BBS9: variants seen among roughly 807,000 people sequenced by gnomAD.
BBS9 encodes the protein protein PTHB1.
BBS9 carries 89 observed loss-of-function variants against 117.7 expected under a neutral mutation model. The observed-to-expected ratio is 0.76, with a 90% CI of 0.64 to 0.90. BBS9 has a LOEUF of 0.90. Among genes scored for constraint, BBS9 ranks in the 40% least tolerant of loss-of-function variants. BBS9 has a pLI of 0.00. For synonymous variants in BBS9, 379 were observed against 370.9 expected, an observed-to-expected ratio of 1.02 and a Z score of -0.25; for missense variants, 982 against 1,042.2, an observed-to-expected ratio of 0.94 and a Z score of 0.80.
chr7:33,511,032 A>G (rs1017969989), intron 20 of BBS9, among the ~76,000 whole-genome samples: 2 of 152,202 alleles, frequency 1.3e-5, no homozygotes, highest in African/African-American at 2.4e-5. Flanking sequence ...ATGTATGCAT[A>G]TAAGAGAGGC....
At chr7:33,524,322 T>C (rs937592150) in intron 20 of BBS9, among the ~76,000 whole-genome samples, 1 of 152,178 alleles carries the variant, frequency 6.6e-6, no homozygotes, top group Non-Finnish European at 1.5e-5. Context: ...TCAGAAGGAA[T>C]GGTACCAGTT....
intron 21 of BBS9, among the ~76,000 whole-genome samples, chr7:33,536,107 AAAG>A (rs1305491803): frequency 6.6e-6 from 1 of 152,192 alleles, no homozygotes; most frequent in Non-Finnish European, 1.5e-5. Context: ...AAAGAAATGA[AAAG>A]AAGAAAGATG....
At chr7:33,583,641 A>G (rs1408734703) in intron 21 of BBS9, among the ~76,000 whole-genome samples, 2 of 152,116 alleles carry the variant, frequency 1.3e-5, no homozygotes, top group Non-Finnish European at 2.9e-5. Flanking sequence ...CCCTTTGGGA[A>G]CATCTAGGGT....
intron 16 of BBS9, among the ~76,000 whole-genome samples, chr7:33,358,786 A>G (rs983781915): frequency 6.6e-6 from 1 of 151,978 alleles, no homozygotes; most frequent in Non-Finnish European, 1.5e-5. Flanking sequence ...TAGGAGATGC[A>G]TCTTCACCTT....
intron 21 of BBS9, among the ~76,000 whole-genome samples, chr7:33,570,098 A>T (rs1477232793): frequency 6.6e-6 from 1 of 152,230 alleles, no homozygotes; most frequent in African/African-American, 2.4e-5. Flanking sequence ...CATATCCAAA[A>T]GCAAGGAAGT....
chr7:33,221,391 G>T (rs182967774), intron 5 of BBS9, among the ~76,000 whole-genome samples: 1 of 151,986 alleles, frequency 6.6e-6, no homozygotes, highest in African/African-American at 2.4e-5. Context: ...AAAAAATTGC[G>T]TATGAGACTG....
chr7:33,458,518 T>G lies in BBS9; in HGVS notation c.2116-46945T>G, dbSNP rs186524614. 1.9e-4 allele frequency among the ~76,000 whole-genome samples: 29 copies of G among 152,292 alleles called. No homozygotes were observed. The East Asian group carries it at 4.8e-3, about 25-fold the overall frequency. ...TGCCAGTTTTTCTTTGCGGAAAATC[T>G]TTCTCTGCTTTTTGCTAAAATAAGT... is the stretch of plus-strand genomic sequence containing the variant. On this transcript the variant is annotated intron_variant, in intron 19 of 22. Transcript: ENST00000242067.
At chr7:33,518,646 T>C (rs1848172093) in intron 20 of BBS9, among the ~76,000 whole-genome samples, 1 of 152,222 alleles carries the variant, frequency 6.6e-6, no homozygotes. Flanking sequence ...TAGTATTTAG[T>C]GTGTCTTGTG....
intron 4 of BBS9, among the ~76,000 whole-genome samples, chr7:33,175,981 G>A (rs1245248509): frequency 6.6e-6 from 1 of 152,212 alleles, no homozygotes; most frequent in African/African-American, 2.4e-5. Context: ...ACCAGAAAAA[G>A]TGTGGTAAAC....
chr7:33,478,121 G>T (rs1455979004), intron 19 of BBS9, among the ~76,000 whole-genome samples: 2 of 152,014 alleles, frequency 1.3e-5, no homozygotes, highest in African/African-American at 4.8e-5. Flanking sequence ...AATGGTTGTG[G>T]GCCATTAAAT....
intron 5 of BBS9, among the ~76,000 whole-genome samples, chr7:33,180,590 C>T (rs763556146): frequency 1.3e-4 from 20 of 152,120 alleles, no homozygotes; most frequent in Admixed American, 1.1e-3. Context: ...CTCCTGACCT[C>T]GTGACCCGCC....
At chr7:33,272,937 A>G (rs1800072865) in intron 7 of BBS9, 75 bp from the exon 8 acceptor site, 1 of 1,411,942 alleles carries the variant, frequency 7.1e-7, no homozygotes, top group Non-Finnish European at 1.0e-6. Context: ...GCAATTTCTT[A>G]ATTTATATTG....
At chr7:33,197,441 C>T (rs998278984) in intron 5 of BBS9, among the ~76,000 whole-genome samples, 1 of 152,014 alleles carries the variant, frequency 6.6e-6, no homozygotes, top group African/African-American at 2.4e-5. Context: ...CTGCCCTTCC[C>T]CCGGGTCTCT....
rs1386335033 is a variant in BBS9 at position 33,278,507 on chromosome 7, A to AT, written c.1016+4558dup. ...AGCAAATTTAAATATATCATCCCAT[A>AT]TTTTTTTAATTTCCTAGTCCTGAGA... is the stretch of plus-strand genomic sequence containing the variant. On this transcript the variant is annotated intron_variant, in intron 9 of 22. Transcript: ENST00000242067. Among the ~76,000 whole-genome samples the AT allele has an allele frequency of 4.6e-5, 7 of 152,264 alleles. No individual in the cohort carries two copies. The South Asian group carries it at 1.4e-3, about 32-fold the overall frequency.
chr7:33,590,831 A>G (rs1027595333), intron 21 of BBS9, among the ~76,000 whole-genome samples: 3 of 151,526 alleles, frequency 2.0e-5, no homozygotes, highest in Non-Finnish European at 4.4e-5. Flanking sequence ...ATTGAAGCAG[A>G]GAAAGATCAA....
intron 21 of BBS9, among the ~76,000 whole-genome samples, chr7:33,566,744 A>T (rs575380345): frequency 1.6e-4 from 25 of 152,274 alleles, no homozygotes; most frequent in Middle Eastern, 3.4e-3. Flanking sequence ...TATAAAACAC[A>T]TATGTTATTA....
chr7:33,302,953 A>G (rs917411839), intron 9 of BBS9, among the ~76,000 whole-genome samples: 1 of 152,058 alleles, frequency 6.6e-6, no homozygotes, highest in Non-Finnish European at 1.5e-5. Context: ...TCTTGCATCA[A>G]TGTTTTATAG....
chr7:33,617,197 A>AT (rs1344616053), intron 21 of BBS9, among the ~76,000 whole-genome samples: 3 of 152,136 alleles, frequency 2.0e-5, no homozygotes, highest in Non-Finnish European at 4.4e-5. Flanking sequence ...CATTGTCTTA[A>AT]TGAATCAAAA....
chr7:33,635,683 C>T (rs550734057), downstream of BBS9, among the ~76,000 whole-genome samples: 24 of 152,248 alleles, frequency 1.6e-4, no homozygotes, highest in African/African-American at 4.6e-4. Flanking sequence ...CAAATATAGG[C>T]GAGTGTAAGG....
Sources: allele counts gnomAD v4.1 joint callset (sites outside exome capture counted in the v4.1 genomes callset), GRCh38; gene constraint gnomAD v4.1.1; transcripts MANE v1.5; gene names NCBI Gene and HGNC (gene_info 2026-07-23, HGNC 2026-07-21).